The following ARHGAP10 variants were observed in gnomAD, a reference collection of about 807,000 sequenced individuals.
ARHGAP10 encodes the protein Rho GTPase activating protein 10, also known as rho GTPase-activating protein 10.
In ARHGAP10, 87 loss-of-function variants were observed where a neutral mutation model predicts 108.6. That is an observed-to-expected ratio of 0.80 (90% confidence interval 0.67 to 0.96). ARHGAP10 has a LOEUF of 0.96. Among genes scored for constraint, ARHGAP10 ranks in the 40% least tolerant of loss-of-function variants. The pLI, the probability that ARHGAP10 is intolerant of heterozygous loss-of-function variation, is 0.00. For missense variants in ARHGAP10, 939 were observed against 954.5 expected, an observed-to-expected ratio of 0.98 and a Z score of 0.21; for synonymous variants, 347 against 341.1, an observed-to-expected ratio of 1.02 and a Z score of -0.19.
In ARHGAP10 at chr4:148,050,431, T is replaced by A. The variant is rs182242644; in HGVS notation, c.2027+3380T>A. Among the ~76,000 whole-genome samples, 10 of 143,232 alleles carry A rather than the reference T, an allele frequency of 7.0e-5. No individual in the cohort carries two copies. The East Asian group carries it at 2.2e-3, about 31-fold the overall frequency. The allele number at this position is 143,232 out of a possible 152,430, so 94.0% of individuals were successfully genotyped here. On this transcript the variant is annotated intron_variant, in intron 20 of 22. Transcript: ENST00000336498. ...CTCTGTTGCCCAGGCTGGAGTGCAG[T>A]GGTGCCATCTCAGCTCACTGCAAGC...
chr4:147,977,900 A>C (rs1375524972), intron 18 of ARHGAP10, among the ~76,000 whole-genome samples: 1 of 152,148 alleles, frequency 6.6e-6, no homozygotes, highest in Admixed American at 6.5e-5. Context: ...TTATAATTGA[A>C]AACATGTAGT....
chr4:147,912,289 C>T (rs1340735351), intron 12 of ARHGAP10, among the ~76,000 whole-genome samples: 1 of 151,638 alleles, frequency 6.6e-6, no homozygotes, highest in Non-Finnish European at 1.5e-5. Context: ...CCTGTAATCC[C>T]AGCACTTTGG....
intron 1 of ARHGAP10, among the ~76,000 whole-genome samples, chr4:147,787,951 A>G (rs867736919): frequency 6.6e-6 from 1 of 152,184 alleles, no homozygotes; most frequent in Non-Finnish European, 1.5e-5. Flanking sequence ...TAAGGGGCTT[A>G]AGGCAAAATC....
At chr4:147,839,122 A>ATCTG (rs1234013211) in intron 3 of ARHGAP10, among the ~76,000 whole-genome samples, 17 of 148,088 alleles carry the variant, frequency 1.1e-4, no homozygotes, top group Admixed American at 5.4e-4. Flanking sequence ...CTATCTATCT[A>ATCTG]TCTATCTATC....
intron 3 of ARHGAP10, among the ~76,000 whole-genome samples, chr4:147,845,991 C>T (rs1421811443): frequency 1.3e-5 from 2 of 152,114 alleles, no homozygotes; most frequent in African/African-American, 4.8e-5. Context: ...GAAAGATGAT[C>T]CCTTTTCCCT....
intron 19 of ARHGAP10, among the ~76,000 whole-genome samples, chr4:148,040,969 A>G (rs550972263): frequency 6.6e-6 from 1 of 152,144 alleles, no homozygotes; most frequent in African/African-American, 2.4e-5. Context: ...TTTTGATCCT[A>G]TTAACTACTT....
At chr4:147,822,483 A>G (rs1372281968) in intron 1 of ARHGAP10, among the ~76,000 whole-genome samples, 1 of 152,198 alleles carries the variant, frequency 6.6e-6, no homozygotes, top group African/African-American at 2.4e-5. Flanking sequence ...AGAAGGAGGT[A>G]GGGGAGGGAA....
chr4:147,967,036 G>C (rs1455282749), intron 18 of ARHGAP10, among the ~76,000 whole-genome samples, 197 bp downstream of exon 18: 2 of 152,094 alleles, frequency 1.3e-5, no homozygotes, highest in Non-Finnish European at 2.9e-5. Flanking sequence ...AAATTTATCT[G>C]GTCTTTTGTT....
intron 20 of ARHGAP10, among the ~76,000 whole-genome samples, chr4:148,062,096 C>T (rs572653051): frequency 1.2e-3 from 190 of 152,220 alleles, no homozygotes; most frequent in African/African-American, 4.3e-3. Flanking sequence ...GCTGCTGGGG[C>T]GGGACGGCCC....
At chr4:148,053,258 A>C (rs1215018593) in intron 20 of ARHGAP10, among the ~76,000 whole-genome samples, 1 of 152,190 alleles carries the variant, frequency 6.6e-6, no homozygotes, top group Non-Finnish European at 1.5e-5. Flanking sequence ...GTGCAGTTGC[A>C]TATGGGGACA....
intron 1 of ARHGAP10, among the ~76,000 whole-genome samples, chr4:147,747,897 A>G (rs1477878074): frequency 6.6e-6 from 1 of 152,184 alleles, no homozygotes. Context: ...TCCCTAGACC[A>G]GTGGTTCTCA....
At chr4:147,881,450 C>T (rs1735324274) in intron 9 of ARHGAP10, among the ~76,000 whole-genome samples, 1 of 152,086 alleles carries the variant, frequency 6.6e-6, no homozygotes, top group African/African-American at 2.4e-5. Context: ...CCAGCCTGGC[C>T]AACATGGTGA....
intron 20 of ARHGAP10, among the ~76,000 whole-genome samples, chr4:148,047,609 A>G (rs1728946251): frequency 6.6e-6 from 1 of 152,210 alleles, no homozygotes; most frequent in Admixed American, 6.5e-5. Flanking sequence ...ATTAATACAA[A>G]TAAAGTACCT....
At position 147,881,987 on chromosome 4, in the gene ARHGAP10, TA is replaced by T. The variant is rs992681079; in HGVS notation, c.1034+62del. The T allele has an allele frequency of 6.5e-6, 10 of 1,541,850 alleles. No individual in the cohort carries two copies. In the East Asian group the frequency reaches 2.0e-4, roughly 31 times the overall value. The stretch of plus-strand genomic sequence containing the variant: ...AAAGAGTCGTTTTAAAAAAATGATT[TA>T]AAAAAATAGAGGTTAGTTGCAACTG... On this transcript the variant is annotated intron_variant, in intron 10 of 22. Transcript: ENST00000336498.
intron 19 of ARHGAP10, among the ~76,000 whole-genome samples, chr4:148,046,269 TA>T (rs199985726): frequency 1.6e-4 from 24 of 152,094 alleles, no homozygotes; most frequent in African/African-American, 5.3e-4. Flanking sequence ...GCAACTCATT[TA>T]AAAAAAAATT....
At chr4:147,911,269 G>A (rs1736718153) in intron 12 of ARHGAP10, among the ~76,000 whole-genome samples, 1 of 152,114 alleles carries the variant, frequency 6.6e-6, no homozygotes, top group African/African-American at 2.4e-5. Context: ...TATATTCATG[G>A]ATTGTTCTTG....
At chr4:147,915,811 A>G (rs1393205262) in intron 13 of ARHGAP10, among the ~76,000 whole-genome samples, 2 of 152,216 alleles carry the variant, frequency 1.3e-5, no homozygotes, top group African/African-American at 4.8e-5. Context: ...ATTATTGAAA[A>G]TGATGAGGAC....
intron 7 of ARHGAP10, among the ~76,000 whole-genome samples, chr4:147,873,707 C>CACACACACACACACACACACACACAT (rs1734939988): frequency 6.7e-6 from 1 of 150,118 alleles, no homozygotes; most frequent in Non-Finnish European, 1.5e-5. Flanking sequence ...CACACACACA[C>CACACACACACACACACACACACACAT]ACACACACAC....
intron 1 of ARHGAP10, among the ~76,000 whole-genome samples, chr4:147,774,641 A>C (rs527578080): frequency 1.5e-4 from 23 of 152,236 alleles, no homozygotes; most frequent in African/African-American, 4.6e-4. Context: ...ACCACCCAGG[A>C]TTTACAAAGC....
Sources: gnomAD v4.1 joint callset for allele counts (sites outside exome capture counted in the v4.1 genomes callset) on GRCh38, gnomAD v4.1.1 for gene constraint, MANE v1.5 for transcripts, NCBI Gene and HGNC (gene_info 2026-07-23, HGNC 2026-07-21) for gene names.